AGAP1: variants seen among roughly 807,000 people sequenced by gnomAD.
AGAP1 encodes the protein ArfGAP with GTPase domain, ankyrin repeat and PH domain 1, also known as arf-GAP with GTPase, ANK repeat and PH domain-containing protein 1.
In AGAP1, 29 loss-of-function variants were observed where a neutral mutation model predicts 105.3. The observed-to-expected ratio is 0.28, with a 90% CI of 0.21 to 0.38. The LOEUF is 0.38. AGAP1 is among the 10% of genes least tolerant of loss of function. The pLI, the probability that AGAP1 is intolerant of heterozygous loss-of-function variation, is 1.00. For synonymous variants in AGAP1, 509 were observed against 485.9 expected (o/e 1.05, Z -0.63); for missense variants, 998 against 1,165.1 (o/e 0.86, Z 2.09).
At position 235,737,121 on chromosome 2, in the gene AGAP1, G is replaced by T. The variant is rs556164022; in HGVS notation, c.311-3842G>T. On this transcript the variant is annotated intron_variant, in intron 3 of 17. Transcript: ENST00000304032. The surrounding 1 kb of genome is among the most constrained non-coding windows in gnomAD (Gnocchi z 4.5). ...CCTGCTCCCATCAGTAGTGCCCTGCGGGACCTTTTGAAAATCTCCCCAGTA... is the reference window on the plus strand; with the variant it reads ...CCTGCTCCCATCAGTAGTGCCCTGCTGGACCTTTTGAAAATCTCCCCAGTA... Among the ~76,000 whole-genome samples the T allele has an allele frequency of 6.6e-6, 1 of 152,268 alleles. No individual in the cohort carries two copies. Among genetic ancestry groups the T allele is most frequent in the African/African-American group, 2.4e-5 (1 of 41,554 alleles).
intron 9 of AGAP1, among the ~76,000 whole-genome samples, chr2:235,812,313 GC>G (rs1958190056): frequency 6.6e-6 from 1 of 152,214 alleles, no homozygotes; most frequent in Non-Finnish European, 1.5e-5. Flanking sequence ...GAGCCGGCCT[GC>G]CCGGGGCAAG....
chr2:235,617,367 A>G lies in AGAP1; in HGVS notation c.164-91812A>G, dbSNP rs1277366051. Among the ~76,000 whole-genome samples, 7 of 152,330 alleles carry G rather than the reference A, an allele frequency of 4.6e-5. 1 individual carries two copies. In the South Asian group the frequency reaches 8.3e-4, roughly 18 times the overall value. On this transcript the variant is annotated intron_variant, in intron 1 of 17. Transcript: ENST00000304032. ...TAGTGGTTGAAATCATGAGGCCCCA[A>G]ATCAGCAGTGTGCTTGCTGTTAATT...
Position 235,659,583 on chromosome 2 carries a change from G to A in AGAP1, c.164-49596G>A, listed in dbSNP as rs755716341. 1.1e-4 allele frequency among the ~76,000 whole-genome samples: 17 copies of A among 152,178 alleles called. No individual in the cohort carries two copies. The highest frequency in any genetic ancestry group is 2.5e-4 in the Non-Finnish European group (17 of 68,046). On this transcript the variant is annotated intron_variant, in intron 1 of 17. Transcript: ENST00000304032. The surrounding 1 kb of genome is among the most constrained non-coding windows in gnomAD (Gnocchi z 5.0). The stretch of plus-strand genomic sequence containing the variant: ...GGGTCCCTTTGCAGCTCCCCTGAAC[G>A]TGCCATTTGAAGCATAGCAACCATT...
At chr2:235,560,599 C>T (rs185923003) in intron 1 of AGAP1, among the ~76,000 whole-genome samples, 10 of 152,168 alleles carry the variant, frequency 6.6e-5, no homozygotes, top group South Asian at 2.1e-4. Flanking sequence ...GGAAGGAGGG[C>T]GAGAGAGTTG....
chr2:235,930,939 GC>G lies in AGAP1; in HGVS notation c.1483+20del. 1 of 1,610,502 alleles carries G rather than the reference GC, an allele frequency of 6.2e-7. No homozygotes were observed. The highest frequency in any genetic ancestry group is 8.5e-7 in the Non-Finnish European group (1 of 1,178,298). On this transcript the variant is annotated intron_variant, in intron 12 of 17. Coordinates refer to ENST00000304032, the MANE Select transcript of AGAP1 (RefSeq NM_001037131.3). The surrounding 1 kb of genome is among the most constrained non-coding windows in gnomAD (Gnocchi z 7.9). ...ATCAGCAGTGGTAAGAGGGGGCTCAGCCCCACGGACCCGCAGCCACCTCAAG... is the reference window on the plus strand; with the variant it reads ...ATCAGCAGTGGTAAGAGGGGGCTCAGCCCACGGACCCGCAGCCACCTCAAG...
intron 13 of AGAP1, among the ~76,000 whole-genome samples, chr2:235,984,315 C>T (rs535632506): frequency 4.6e-5 from 7 of 152,202 alleles, no homozygotes; most frequent in African/African-American, 1.7e-4. Flanking sequence ...GGATTGTTTC[C>T]GCCTTTTGGC....
rs1260506392 is a variant in AGAP1 at position 236,128,597 on chromosome 2, T to C, written c.*4475T>C. 1 of 152,194 alleles carries C rather than the reference T, an allele frequency of 6.6e-6. No homozygotes were observed. The highest frequency in any genetic ancestry group is 2.4e-5 in the African/African-American group (1 of 41,438). The allele number at this position is 152,194 out of a possible 1,614,324, so 9.4% of individuals were successfully genotyped here. ...ATCTTACCCCACAAGAGTGGCCTGC[T>C]CAACCTGCAGCCTCCAATGTGCCGT... On this transcript the variant is annotated 3_prime_UTR_variant, in exon 18 of 18. Coordinates refer to ENST00000304032, the MANE Select transcript of AGAP1 (RefSeq NM_001037131.3). This position sits in a 1 kb window ranked among gnomAD's most constrained non-coding sequence, Gnocchi z 5.9.
chr2:235,952,549 TA>T (rs1394751201), intron 12 of AGAP1, among the ~76,000 whole-genome samples: 2 of 152,200 alleles, frequency 1.3e-5, no homozygotes, highest in Admixed American at 1.3e-4. Context: ...TGTATCAGTA[TA>T]GAATTAGGAT....
Position 235,799,429 on chromosome 2 carries a change from C to G in AGAP1, c.864C>G (p.Thr288=), listed in dbSNP as rs781379317. ...CCTCCGTTCCATCGACTCCCAGCAC[C>G]AGCCAGAAGGAACTTCGGATCGATG... ...YSSSVPSTPS[T]SQKELRIDVP... Residue 288 remains threonine (T), a synonymous_variant, in exon 8 of 18, where the codon ACC becomes ACG. Transcript: ENST00000304032. This position sits in a 1 kb window ranked among gnomAD's most constrained non-coding sequence, Gnocchi z 5.0. 1 of 1,614,190 alleles carries G rather than the reference C, an allele frequency of 6.2e-7. No homozygotes were observed. Among genetic ancestry groups the G allele is most frequent in the Non-Finnish European group, 8.5e-7 (1 of 1,180,040 alleles).
intron 9 of AGAP1, among the ~76,000 whole-genome samples, chr2:235,820,977 G>A (rs970929550): frequency 2.6e-5 from 4 of 152,192 alleles, no homozygotes; most frequent in African/African-American, 9.7e-5. Flanking sequence ...TTCTTGAAGG[G>A]CAATCTAACA....
At chr2:235,969,994 G>T (rs1205061898) in intron 13 of AGAP1, among the ~76,000 whole-genome samples, 3 of 152,062 alleles carry the variant, frequency 2.0e-5, no homozygotes, top group Non-Finnish European at 4.4e-5. Flanking sequence ...CTGACGTCAG[G>T]AGTTTGAGAC....
At chr2:235,926,122 C>T (rs1212338138) in intron 11 of AGAP1, among the ~76,000 whole-genome samples, 1 of 152,160 alleles carries the variant, frequency 6.6e-6, no homozygotes, top group Non-Finnish European at 1.5e-5. Flanking sequence ...GCCAGGACAG[C>T]ATTAGTAGGT....
intron 1 of AGAP1, among the ~76,000 whole-genome samples, chr2:235,573,768 AG>A (rs1427297372): frequency 6.6e-6 from 1 of 152,164 alleles, no homozygotes; most frequent in Non-Finnish European, 1.5e-5. Flanking sequence ...GCTCATCTGG[AG>A]AGTCAGGTCA....
chr2:235,572,787 A>G (rs146411286), intron 1 of AGAP1, among the ~76,000 whole-genome samples: 15 of 152,266 alleles, frequency 9.9e-5, no homozygotes, highest in Non-Finnish European at 7.4e-5. Flanking sequence ...CCCACAAAGG[A>G]GGACCTACTG....
chr2:235,771,889 G>A (rs949296216), intron 6 of AGAP1, among the ~76,000 whole-genome samples: 28 of 151,498 alleles, frequency 1.8e-4, no homozygotes, highest in Middle Eastern at 3.5e-3. Flanking sequence ...CGAGGCCTGT[G>A]ACAAAAAATT....
At position 235,623,530 on chromosome 2, in the gene AGAP1, C is replaced by A. The variant is rs866794526; in HGVS notation, c.164-85649C>A. Among the ~76,000 whole-genome samples the A allele has an allele frequency of 6.6e-6, 1 of 152,294 alleles. No individual in the cohort carries two copies. Among genetic ancestry groups the A allele is most frequent in the Non-Finnish European group, 1.5e-5 (1 of 68,036 alleles). On this transcript the variant is annotated intron_variant, in intron 1 of 17. Coordinates refer to ENST00000304032, the MANE Select transcript of AGAP1 (RefSeq NM_001037131.3). The surrounding 1 kb of genome is among the most constrained non-coding windows in gnomAD (Gnocchi z 4.5). ...CCCTCTTGCTGAGCACTTCTCTCTTCCTGTTCCTGTGCTGCTGGGCCTTCA... is the reference window on the plus strand; with the variant it reads ...CCCTCTTGCTGAGCACTTCTCTCTTACTGTTCCTGTGCTGCTGGGCCTTCA...
At chr2:235,565,778 A>G (rs913648255) in intron 1 of AGAP1, among the ~76,000 whole-genome samples, 2 of 152,070 alleles carry the variant, frequency 1.3e-5, no homozygotes, top group Non-Finnish European at 2.9e-5. Flanking sequence ...CTCCCACCTC[A>G]GCCGCCTGAG....
rs141518328 is a variant in AGAP1 at position 236,050,340 on chromosome 2, G to T, written c.2114+1059G>T. 6.6e-6 allele frequency among the ~76,000 whole-genome samples: 1 copy of T among 152,148 alleles called. No individual in the cohort carries two copies. Among genetic ancestry groups the T allele is most frequent in the Non-Finnish European group, 1.5e-5 (1 of 68,038 alleles). On this transcript the variant is annotated intron_variant, in intron 16 of 17. Coordinates refer to ENST00000304032, the MANE Select transcript of AGAP1 (RefSeq NM_001037131.3). This position sits in a 1 kb window ranked among gnomAD's most constrained non-coding sequence, Gnocchi z 4.0. ...AATGAAGCTGGTGTGTTACTCATCT[G>T]GCTCTCCGTATGAGGGATTCTTTGG...
intron 11 of AGAP1, among the ~76,000 whole-genome samples, chr2:235,912,034 C>T (rs945254156): frequency 1.3e-5 from 2 of 152,224 alleles, no homozygotes; most frequent in African/African-American, 2.4e-5. Context: ...GGGCGCAGAT[C>T]TCAGATAGCA....
Sources: allele counts gnomAD v4.1 joint callset (sites outside exome capture counted in the v4.1 genomes callset), GRCh38; gene constraint gnomAD v4.1.1; non-coding constraint Gnocchi (gnomAD v3.1); transcripts MANE v1.5; gene names NCBI Gene and HGNC (gene_info 2026-07-23, HGNC 2026-07-21).